Variants in SMIM3 observed in about 807,000 individuals in gnomAD.
SMIM3 encodes the protein small integral membrane protein 3, also known as NGF-induced differentiation clone 67 protein.
Under a neutral mutation model 2.1 loss-of-function variants are expected in SMIM3, and 4 were observed. That is an observed-to-expected ratio of 1.89 (90% CI 0.93 to 4.31). SMIM3 has a LOEUF of 4.31. SMIM3 is among the 30% of genes most tolerant of loss of function. The probability of loss-of-function intolerance (pLI) is 0.01; values close to 1 mark genes in which losing one functional copy is unlikely to be tolerated. For missense variants in SMIM3, 79 were observed against 77.7 expected, an observed-to-expected ratio of 1.02 and a Z score of -0.06; for synonymous variants, 29 against 30.8, an observed-to-expected ratio of 0.94 and a Z score of 0.19.
chr5:150,781,810 C>T lies in SMIM3; in HGVS notation c.-12+2838C>T, dbSNP rs756246305. 2.1e-4 allele frequency among the ~76,000 whole-genome samples: 32 copies of T among 152,272 alleles called. 1 individual carries two copies. Among genetic ancestry groups the T allele is most frequent in the Admixed American group, 1.2e-3 (19 of 15,292 alleles). ...TCATGGACAGTCTCCTTTGTTAGCC[C>T]GACACACAGCAGGCACTTAGTCACT... On this transcript the variant is annotated intron_variant, in intron 1 of 1. Coordinates refer to ENST00000526627, the MANE Select transcript of SMIM3 (RefSeq NM_032947.5).
At chr5:150,785,346 C>T (rs1424154416) in intron 1 of SMIM3, among the ~76,000 whole-genome samples, 1 of 151,946 alleles carries the variant, frequency 6.6e-6, no homozygotes, top group Non-Finnish European at 1.5e-5. Context: ...CTTGGCCTCT[C>T]AAAGTGCTGG....
At position 150,796,102 on chromosome 5, in the gene SMIM3, A is replaced by C. The variant is rs1206369726; in HGVS notation, c.*479A>C. 1 of 158,300 alleles carries C rather than the reference A, an allele frequency of 6.3e-6. No individual in the cohort carries two copies. Among genetic ancestry groups the C allele is most frequent in the Non-Finnish European group, 1.4e-5 (1 of 71,382 alleles). The allele number at this position is 158,300 out of a possible 1,614,324, so 9.8% of individuals were successfully genotyped here. ...AGGGGCCAGCAGCACTTTGGCCCAA[A>C]GTATTTTCTTTAAGGTGCCATTCCT... On this transcript the variant is annotated 3_prime_UTR_variant, in exon 2 of 2. Transcript: ENST00000526627.
Position 150,795,725 on chromosome 5 carries a change from C to T in SMIM3, c.*102C>T, listed in dbSNP as rs1753398228. On this transcript the variant is annotated 3_prime_UTR_variant, in exon 2 of 2. Coordinates refer to ENST00000526627, the MANE Select transcript of SMIM3 (RefSeq NM_032947.5). Reference sequence around the variant, plus strand: ...GCAGGAGGGACTTTGGGGCATGGACCTGAGTTCTGGTTTTGATTCTGCCAC... The same window carrying T: ...GCAGGAGGGACTTTGGGGCATGGACTTGAGTTCTGGTTTTGATTCTGCCAC... 1 of 1,318,392 alleles carries T rather than the reference C, an allele frequency of 7.6e-7. No individual in the cohort carries two copies. The highest frequency in any genetic ancestry group is 1.0e-6 in the Non-Finnish European group (1 of 974,202). The allele number at this position is 1,318,392 out of a possible 1,614,324, so 81.7% of individuals were successfully genotyped here. A position where few individuals can be genotyped will look rare whatever the true frequency, so the allele number is the denominator to read the frequency against.
chr5:150,788,997 G>C (rs973378783), intron 1 of SMIM3, among the ~76,000 whole-genome samples: 1 of 152,160 alleles, frequency 6.6e-6, no homozygotes, highest in African/African-American at 2.4e-5. Context: ...AGCAGATAAA[G>C]TATGCTGGTT....
At chr5:150,784,853 C>T (rs1157267722) in intron 1 of SMIM3, among the ~76,000 whole-genome samples, 2 of 151,922 alleles carry the variant, frequency 1.3e-5, no homozygotes, top group African/African-American at 4.8e-5. Context: ...TGTTTTTCTC[C>T]TCTCCTGTTT....
intron 1 of SMIM3, among the ~76,000 whole-genome samples, chr5:150,792,542 A>G (rs1392172497): frequency 6.6e-6 from 1 of 152,176 alleles, no homozygotes; most frequent in African/African-American, 2.4e-5. Flanking sequence ...TTGATTAAAA[A>G]AATTATTTTT....
chr5:150,782,159 G>A (rs759537773), intron 1 of SMIM3, among the ~76,000 whole-genome samples: 10 of 152,164 alleles, frequency 6.6e-5, no homozygotes, highest in Non-Finnish European at 1.2e-4. Context: ...AGAAAAGGCT[G>A]TGATTTGATT....
chr5:150,789,190 C>T (rs1404647730), intron 1 of SMIM3, among the ~76,000 whole-genome samples: 1 of 152,076 alleles, frequency 6.6e-6, no homozygotes. Flanking sequence ...TAATCTATGA[C>T]TATTATATTA....
chr5:150,780,081 C>T (rs962670181), intron 1 of SMIM3, among the ~76,000 whole-genome samples: 7 of 152,154 alleles, frequency 4.6e-5, no homozygotes, highest in Admixed American at 2.0e-4. Flanking sequence ...TGCTATGATG[C>T]GTGCTGCTAC....
At chr5:150,791,580 A>T (rs530845930) in intron 1 of SMIM3, among the ~76,000 whole-genome samples, 1 of 152,304 alleles carries the variant, frequency 6.6e-6, no homozygotes, top group South Asian at 2.1e-4. Flanking sequence ...CACAAATGGC[A>T]CTAATTTCCT....
At position 150,796,521 on chromosome 5, in the gene SMIM3, T is replaced by C. The variant is rs1490520400; in HGVS notation, c.*898T>C. 2 of 152,314 alleles carry C rather than the reference T, an allele frequency of 1.3e-5. No homozygotes were observed. The highest frequency in any genetic ancestry group is 4.8e-5 in the African/African-American group (2 of 41,444). The allele number at this position is 152,314 out of a possible 1,614,324, so 9.4% of individuals were successfully genotyped here. A position where few individuals can be genotyped will look rare whatever the true frequency, so the allele number is the denominator to read the frequency against. On this transcript the variant is annotated 3_prime_UTR_variant, in exon 2 of 2. Transcript: ENST00000526627. ...CTTTTGGGACCTACTAAAACAATGATGGTTATTTTAGATGTGATGATTTAT... is the reference window on the plus strand; with the variant it reads ...CTTTTGGGACCTACTAAAACAATGACGGTTATTTTAGATGTGATGATTTAT...
At chr5:150,785,656 C>T (rs1753284344) in intron 1 of SMIM3, among the ~76,000 whole-genome samples, 1 of 145,412 alleles carries the variant, frequency 6.9e-6, no homozygotes, top group Non-Finnish European at 1.5e-5. Flanking sequence ...CATCTTGGCA[C>T]ACTGCAACCC....
intron 1 of SMIM3, among the ~76,000 whole-genome samples, chr5:150,790,464 C>T (rs1244137948): frequency 6.6e-6 from 1 of 152,152 alleles, no homozygotes; most frequent in Admixed American, 6.5e-5. Context: ...GCTTCTGTGT[C>T]TTAGACCTTG....
At chr5:150,780,210 T>TC (rs1753217640) in intron 1 of SMIM3, among the ~76,000 whole-genome samples, 1 of 152,016 alleles carries the variant, frequency 6.6e-6, no homozygotes, top group East Asian at 1.9e-4. Context: ...TGGAGGCATT[T>TC]CCCCTCTCTG....
intron 1 of SMIM3, among the ~76,000 whole-genome samples, chr5:150,790,542 G>A (rs1753339508): frequency 6.6e-6 from 1 of 152,152 alleles, no homozygotes; most frequent in Non-Finnish European, 1.5e-5. Context: ...CTGCAAGCTC[G>A]GCAGATAATC....
At position 150,778,871 on chromosome 5, in the gene SMIM3, G is replaced by T; in HGVS notation, c.-113G>T. 2.0e-6 allele frequency: 1 copy of T among 491,654 alleles called. No homozygotes were observed. The highest frequency in any genetic ancestry group is 6.3e-5 in the East Asian group (1 of 15,760). 30.5% of individuals were successfully genotyped at this position (491,654 alleles called of 1,614,324 possible). On this transcript the variant is annotated 5_prime_UTR_variant, in exon 1 of 2. Transcript: ENST00000526627. ...CCTAGGGCTGAGGTTCCAGGCCTGGGGGTCGCTTCCAGCTGCCAGATCCCG... is the reference window on the plus strand; with the variant it reads ...CCTAGGGCTGAGGTTCCAGGCCTGGTGGTCGCTTCCAGCTGCCAGATCCCG...
chr5:150,791,461 T>A (rs1453995878), intron 1 of SMIM3, among the ~76,000 whole-genome samples: 1 of 152,168 alleles, frequency 6.6e-6, no homozygotes, highest in East Asian at 1.9e-4. Flanking sequence ...TCTGCTTCTA[T>A]GGGTCTGATA....
chr5:150,785,899 T>C (rs1753287449), intron 1 of SMIM3, among the ~76,000 whole-genome samples: 1 of 152,190 alleles, frequency 6.6e-6, no homozygotes, highest in South Asian at 2.1e-4. Flanking sequence ...ACTATATTTC[T>C]AATTATGGAT....
At chr5:150,793,975 A>G (rs1247156535) in intron 1 of SMIM3, among the ~76,000 whole-genome samples, 8 of 152,172 alleles carry the variant, frequency 5.3e-5, no homozygotes, top group Non-Finnish European at 8.8e-5. Context: ...AATCAGTAAG[A>G]AAAAACCAAA....
Sources: allele counts gnomAD v4.1 joint callset (sites outside exome capture counted in the v4.1 genomes callset), GRCh38; gene constraint gnomAD v4.1.1; transcripts MANE v1.5; gene names NCBI Gene and HGNC (gene_info 2026-07-23, HGNC 2026-07-21).